EFL1: variants seen among roughly 807,000 people sequenced by gnomAD.
The protein encoded by EFL1 is elongation factor like GTPase 1.
A neutral mutation model predicts 126.7 loss-of-function variants in EFL1; 76 were observed. The observed-to-expected ratio is 0.60, with a 90% CI of 0.50 to 0.73. The LOEUF (loss-of-function observed/expected upper bound fraction) is 0.73, where lower values mean the gene tolerates loss of function less well. EFL1 is among the 30% of genes least tolerant of loss of function. The pLI is 0.00. For missense variants in EFL1, 1,128 were observed against 1,343.2 expected (o/e 0.84, Z 2.50); for synonymous variants, 410 against 448.4 (o/e 0.91, Z 1.08).
intron 15 of EFL1, among the ~76,000 whole-genome samples, chr15:82,178,413 T>A (rs927912042): frequency 3.3e-5 from 5 of 152,150 alleles, no homozygotes; most frequent in Non-Finnish European, 7.4e-5. Context: ...ACATGAACAC[T>A]AGGGTTGTCA....
At chr15:82,204,841 T>C (rs527773372) in intron 15 of EFL1, among the ~76,000 whole-genome samples, 1 of 152,348 alleles carries the variant, frequency 6.6e-6, no homozygotes, top group East Asian at 1.9e-4. Flanking sequence ...ACTATGCTGA[T>C]AAATACTCAA....
At chr15:82,167,411 A>C (rs2074091197) in intron 15 of EFL1, among the ~76,000 whole-genome samples, 1 of 152,198 alleles carries the variant, frequency 6.6e-6, no homozygotes, top group Non-Finnish European at 1.5e-5. Context: ...CCTCATAATC[A>C]AAAACCAGTA....
intron 15 of EFL1, among the ~76,000 whole-genome samples, chr15:82,189,128 A>G (rs2074331881): frequency 6.6e-6 from 1 of 152,138 alleles, no homozygotes; most frequent in Non-Finnish European, 1.5e-5. Context: ...ACAAACCTAT[A>G]CGCCGTGTTA....
At chr15:82,243,913 T>C (rs1363962955) in intron 4 of EFL1, among the ~76,000 whole-genome samples, 7 of 152,198 alleles carry the variant, frequency 4.6e-5, no homozygotes, top group Admixed American at 3.3e-4. Context: ...TCAAATAATA[T>C]AGCTGAGAAA....
chr15:82,228,545 C>A (rs1178560993), intron 9 of EFL1, among the ~76,000 whole-genome samples: 1 of 152,216 alleles, frequency 6.6e-6, no homozygotes, highest in East Asian at 1.9e-4. Context: ...CCAGGAAGTA[C>A]TTCTCCACCA....
intron 15 of EFL1, among the ~76,000 whole-genome samples, chr15:82,189,654 T>C (rs1263945829): frequency 1.3e-5 from 2 of 152,320 alleles, no homozygotes; most frequent in Non-Finnish European, 2.9e-5. Flanking sequence ...GTACTCCAAC[T>C]ATGCCTGTTA....
intron 4 of EFL1, among the ~76,000 whole-genome samples, chr15:82,243,580 C>T (rs377439085): frequency 0.44 from 29,263 of 67,126 alleles, 7,064 homozygotes; most frequent in African/African-American, 0.5. Flanking sequence ...CTTTGTGATA[C>T]GACCGGGACC....
intron 15 of EFL1, among the ~76,000 whole-genome samples, chr15:82,194,720 A>C (rs1344117702): frequency 2.0e-5 from 3 of 152,222 alleles, no homozygotes; most frequent in African/African-American, 7.2e-5. Flanking sequence ...TGTCCTCAGC[A>C]ACCCACGTTG....
rs549677517 is a variant in EFL1 at position 82,238,407 on chromosome 15, A to G, written c.631T>C (p.Trp211Arg). 1 of 1,614,198 alleles carries G rather than the reference A, an allele frequency of 6.2e-7. No homozygotes were observed. Among genetic ancestry groups the G allele is most frequent in the South Asian group, 1.1e-5 (1 of 91,086 alleles). Reference sequence around the variant, plus strand: ...TCTGTGTCCTCCAAGCCAGTGCTCCAGTCATATACTTGCTCTCCTTGTTCA... The same window carrying G: ...TCTGTGTCCTCCAAGCCAGTGCTCCGGTCATATACTTGCTCTCCTTGTTCA... ...NSEQGEQVYD[W>R]STGLEDTDDS... Residue 211 changes from tryptophan (W) to arginine (R), a missense_variant, in exon 7 of 20, where the codon TGG becomes CGG. Trp to Arg is a moderately radical substitution (Grantham distance 101). Around this residue, in one of 6 missense-constraint regions of EFL1, gnomAD observed 316 missense variants for 318.5 expected, o/e 0.99. Transcript: ENST00000268206.
intron 6 of EFL1, among the ~76,000 whole-genome samples, chr15:82,239,445 C>T (rs1177573811): frequency 6.6e-6 from 1 of 152,166 alleles, no homozygotes; most frequent in Non-Finnish European, 1.5e-5. Context: ...CTACCTCTTC[C>T]TATTTCTACA....
intron 15 of EFL1, among the ~76,000 whole-genome samples, chr15:82,172,037 C>A: frequency 6.8e-6 from 1 of 148,068 alleles, no homozygotes; most frequent in African/African-American, 2.5e-5. Context: ...ATAAATAGTC[C>A]AAGAAAAGAC....
chr15:82,203,308 T>C (rs1018660849), intron 15 of EFL1, among the ~76,000 whole-genome samples: 2 of 152,200 alleles, frequency 1.3e-5, no homozygotes, highest in Non-Finnish European at 2.9e-5. Flanking sequence ...TCTCTGTGCA[T>C]TTATTTATTT....
At chr15:82,243,991 A>G (rs1203021267) in intron 4 of EFL1, among the ~76,000 whole-genome samples, 3 of 152,146 alleles carry the variant, frequency 2.0e-5, no homozygotes, top group Non-Finnish European at 4.4e-5. Flanking sequence ...CTGTAAAAGA[A>G]GTTTGTCCAA....
intron 15 of EFL1, among the ~76,000 whole-genome samples, chr15:82,177,541 G>A (rs1361875058): frequency 2.0e-5 from 3 of 152,102 alleles, no homozygotes; most frequent in Non-Finnish European, 2.9e-5. Context: ...GCATACTTCT[G>A]TCTACCCTCT....
intron 15 of EFL1, among the ~76,000 whole-genome samples, chr15:82,197,380 T>C (rs536896048): frequency 1.3e-5 from 2 of 152,242 alleles, no homozygotes; most frequent in East Asian, 1.9e-4. Flanking sequence ...TAACAACTTT[T>C]ACTTCAATTC....
At chr15:82,131,669 G>A (rs2073646690) in intron 19 of EFL1, among the ~76,000 whole-genome samples, 1 of 152,116 alleles carries the variant, frequency 6.6e-6, no homozygotes, top group Admixed American at 6.5e-5. Flanking sequence ...GCGCATGCCT[G>A]TAATCCCAGC....
chr15:82,135,304 C>T (rs2457499), intron 19 of EFL1, among the ~76,000 whole-genome samples: 151,160 of 151,910 alleles, frequency 1, 75,210 homozygotes, highest in East Asian at 1. Context: ...TTAAGATTTT[C>T]TTTTTAAATT....
intron 19 of EFL1, among the ~76,000 whole-genome samples, chr15:82,138,425 A>AGAGT (rs751682963): frequency 2.2e-5 from 1 of 46,248 alleles, no homozygotes; most frequent in Non-Finnish European, 5.0e-5. Flanking sequence ...AGAGAGAGAG[A>AGAGT]GTGTATGTGT....
At chr15:82,237,272 A>G (rs1487059444) in intron 7 of EFL1, among the ~76,000 whole-genome samples, 2 of 152,246 alleles carry the variant, frequency 1.3e-5, no homozygotes, top group Non-Finnish European at 2.9e-5. Flanking sequence ...ATATGAGACA[A>G]AGGACTACTG....
Sources: gnomAD v4.1 joint callset for allele counts (sites outside exome capture counted in the v4.1 genomes callset) on GRCh38, gnomAD v4.1.1 for gene constraint, gnomAD v4.1.1 regional missense constraint, MANE v1.5 for transcripts, NCBI Gene and HGNC (gene_info 2026-07-23, HGNC 2026-07-21) for gene names.